Variants in RAPGEF4 observed in about 807,000 individuals in gnomAD.
RAPGEF4 encodes Rap guanine nucleotide exchange factor 4.
A neutral mutation model predicts 147.9 loss-of-function variants in RAPGEF4; 66 were observed. The observed-to-expected ratio is 0.45, with a 90% CI of 0.37 to 0.55. RAPGEF4 has a LOEUF of 0.55. RAPGEF4 is among the 20% of genes least tolerant of loss of function. RAPGEF4 has a pLI of 0.00. For missense variants in RAPGEF4, 1,071 were observed against 1,257.3 expected (o/e 0.85, Z 2.24); for synonymous variants, 419 against 442.7 (o/e 0.95, Z 0.67).
intron 4 of RAPGEF4, among the ~76,000 whole-genome samples, chr2:172,850,433 C>T (rs770357220): frequency 4.6e-5 from 7 of 151,900 alleles, no homozygotes; most frequent in Admixed American, 2.6e-4. Context: ...CTGGCTAACA[C>T]GGTGAAACCC....
rs552335768 is a variant in RAPGEF4 at position 172,991,660 on chromosome 2, A to G, written c.1490+735A>G. Among the ~76,000 whole-genome samples, 477 of 152,346 alleles carry G rather than the reference A, an allele frequency of 3.1e-3. 3 individuals are homozygous for G. Among genetic ancestry groups the G allele is most frequent in the Non-Finnish European group, 3.7e-3 (250 of 68,020 alleles). ...TTTTTAAAATGGAGATTAATTTTCA[A>G]TCTTAGTGTAATAAAAACACCAATT... On this transcript the variant is annotated intron_variant, in intron 15 of 30. Coordinates refer to ENST00000397081, the MANE Select transcript of RAPGEF4 (RefSeq NM_007023.4).
intron 21 of RAPGEF4, among the ~76,000 whole-genome samples, chr2:173,017,890 G>A (rs780756302): frequency 6.7e-6 from 1 of 148,252 alleles, no homozygotes; most frequent in East Asian, 1.9e-4. Context: ...CTCTGGCCCT[G>A]AGCCCAGCCC....
At chr2:173,001,025 T>C (rs13026645) in intron 16 of RAPGEF4, among the ~76,000 whole-genome samples, 52,895 of 152,044 alleles carry the variant, frequency 0.35, 10,303 homozygotes, top group East Asian at 0.79. Flanking sequence ...CCCAGTGCCG[T>C]TTGTACAAGG....
chr2:172,932,691 T>C (rs1227120569), intron 6 of RAPGEF4, among the ~76,000 whole-genome samples: 1 of 152,226 alleles, frequency 6.6e-6, no homozygotes, highest in African/African-American at 2.4e-5. Flanking sequence ...TAGATTTTTT[T>C]TTACTCATGT....
At chr2:172,856,867 ACT>A (rs1693471238) in intron 4 of RAPGEF4, among the ~76,000 whole-genome samples, 1 of 151,626 alleles carries the variant, frequency 6.6e-6, no homozygotes, top group Non-Finnish European at 1.5e-5. Flanking sequence ...CTTTTATCTG[ACT>A]CTGGCCACAC....
At chr2:172,814,496 G>A in intron 4 of RAPGEF4, 71 bp downstream of exon 4, 1 of 1,521,976 alleles carries the variant, frequency 6.6e-7, no homozygotes, top group Non-Finnish European at 9.1e-7. Context: ...ATGGATAATG[G>A]CATTACAGTC....
At chr2:172,867,090 G>C (rs1022776791) in intron 4 of RAPGEF4, among the ~76,000 whole-genome samples, 1 of 151,484 alleles carries the variant, frequency 6.6e-6, no homozygotes, top group Non-Finnish European at 1.5e-5. Flanking sequence ...TTGTGTCTCA[G>C]TCTCCCTAGT....
intron 6 of RAPGEF4, among the ~76,000 whole-genome samples, chr2:172,944,966 T>A (rs1263636382): frequency 1.3e-5 from 2 of 152,126 alleles, no homozygotes; most frequent in Non-Finnish European, 2.9e-5. Flanking sequence ...ATCAGCTCAT[T>A]ATTGTGGGTT....
At chr2:172,874,452 A>G (rs1047675520) in intron 4 of RAPGEF4, among the ~76,000 whole-genome samples, 2 of 151,932 alleles carry the variant, frequency 1.3e-5, no homozygotes, top group African/African-American at 4.8e-5. Flanking sequence ...CCTGTGTCCA[A>G]GTGTTCTCAT....
chr2:172,830,608 T>G (rs934528903), intron 4 of RAPGEF4, among the ~76,000 whole-genome samples: 6 of 152,150 alleles, frequency 3.9e-5, no homozygotes, highest in Non-Finnish European at 8.8e-5. Context: ...GTTTGTTTGT[T>G]TATTTATTCA....
chr2:172,775,033 G>T (rs1221719921), intron 1 of RAPGEF4, among the ~76,000 whole-genome samples: 1 of 152,196 alleles, frequency 6.6e-6, no homozygotes, highest in East Asian at 1.9e-4. Context: ...CTGAGGCGTG[G>T]CTTCCTTTCC....
chr2:172,858,847 T>C (rs1346768381), intron 4 of RAPGEF4, among the ~76,000 whole-genome samples: 2 of 152,212 alleles, frequency 1.3e-5, no homozygotes, highest in Non-Finnish European at 2.9e-5. Context: ...GACTGAAATT[T>C]TGAAAAACGC....
chr2:172,777,378 T>G (rs1007625120), intron 1 of RAPGEF4, among the ~76,000 whole-genome samples: 2 of 152,128 alleles, frequency 1.3e-5, no homozygotes, highest in African/African-American at 2.4e-5. Context: ...AAAAAAACCC[T>G]GCTTTTATGG....
intron 4 of RAPGEF4, among the ~76,000 whole-genome samples, chr2:172,875,424 G>A (rs375627722): frequency 0.016 from 2,378 of 151,964 alleles, 24 homozygotes; most frequent in South Asian, 0.037. Context: ...TAATTTTTGT[G>A]TAAGGTGTAA....
chr2:173,017,848 A>G (rs1218204998), intron 21 of RAPGEF4, among the ~76,000 whole-genome samples: 4 of 152,088 alleles, frequency 2.6e-5, no homozygotes, highest in African/African-American at 9.7e-5. Flanking sequence ...CAAGGAGACA[A>G]TGGATCACCA....
intron 4 of RAPGEF4, among the ~76,000 whole-genome samples, chr2:172,915,124 G>C (rs16861026): frequency 0.25 from 37,508 of 152,002 alleles, 5,131 homozygotes; most frequent in East Asian, 0.54. Context: ...TCAATTTTAA[G>C]GACTGACTTT....
At chr2:172,744,835 C>G (rs1432844616) in intron 1 of RAPGEF4, among the ~76,000 whole-genome samples, 1 of 151,646 alleles carries the variant, frequency 6.6e-6, no homozygotes, top group African/African-American at 2.4e-5. Context: ...TTAGCAAATT[C>G]CCTTTTCTGA....
intron 12 of RAPGEF4, among the ~76,000 whole-genome samples, chr2:172,987,231 G>A (rs868286815): frequency 6.6e-6 from 1 of 152,114 alleles, no homozygotes; most frequent in Non-Finnish European, 1.5e-5. Context: ...AGGCCCAGGA[G>A]GTCAAGGCTG....
chr2:172,817,867 G>A (rs1302055868), intron 4 of RAPGEF4, among the ~76,000 whole-genome samples: 1 of 66,204 alleles, frequency 1.5e-5, no homozygotes, highest in Non-Finnish European at 3.0e-5. Flanking sequence ...AGTGGATAAA[G>A]AAATTGTGAT....
Sources: allele counts gnomAD v4.1 joint callset (sites outside exome capture counted in the v4.1 genomes callset), GRCh38; gene constraint gnomAD v4.1.1; transcripts MANE v1.5; gene names NCBI Gene and HGNC (gene_info 2026-07-23, HGNC 2026-07-21).